Variants in P4HA1 observed in about 807,000 individuals in gnomAD.
P4HA1 encodes the protein prolyl 4-hydroxylase subunit alpha 1.
Under a neutral mutation model 72.8 loss-of-function variants are expected in P4HA1, and 24 were observed. The ratio of observed to expected loss-of-function variants is 0.33; its 90% CI spans 0.24 to 0.46. P4HA1 has a LOEUF of 0.46. Ranked by LOEUF, P4HA1 falls within the 20% of genes least tolerant of loss-of-function variation. The pLI is 1.00. For missense variants in P4HA1, 446 were observed against 640.6 expected (o/e 0.70, Z 3.28); for synonymous variants, 201 against 218.8 (o/e 0.92, Z 0.72).
intron 5 of P4HA1, chr10:73,065,174 T>G (rs188392838): frequency 7.2e-5 from 11 of 152,170 alleles, no homozygotes; most frequent in Admixed American, 6.6e-4. Flanking sequence ...TGAAGCAAAT[T>G]GAATTTTGTA....
At chr10:73,074,661 A>G in intron 2 of P4HA1, 147 bp downstream of exon 2, 1 of 579,740 alleles carries the variant, frequency 1.7e-6, no homozygotes, top group Non-Finnish European at 3.1e-6. Context: ...GAAAATGTCA[A>G]ATTATTAAAA....
At chr10:73,039,508 T>C (rs57670381) in intron 9 of P4HA1, among the ~76,000 whole-genome samples, 7,503 of 151,944 alleles carry the variant, frequency 0.049, 605 homozygotes, top group African/African-American at 0.17. Context: ...GGGGTTTCAC[T>C]GTGTTAGCCA....
At chr10:73,074,563 C>T (rs577557227) in intron 2 of P4HA1, among the ~76,000 whole-genome samples, 2 of 152,116 alleles carry the variant, frequency 1.3e-5, no homozygotes, top group South Asian at 4.1e-4. Context: ...CAGTATATTA[C>T]TTGTATATCT....
chr10:73,093,863 A>T lies in P4HA1; in HGVS notation c.-33+2903T>A, dbSNP rs868589029. On this transcript the variant is annotated intron_variant, in intron 1 of 14. Transcript: ENST00000394890. ...ATCTCAAAAAAAAAAAAAAAAAAAA[A>T]AAAAAAAAAAATATATATATATATA... Among the ~76,000 whole-genome samples, 121 of 69,130 alleles carry T rather than the reference A, an allele frequency of 1.8e-3. 1 individual carries two copies. The highest frequency in any genetic ancestry group is 8.9e-3 in the African/African-American group (109 of 12,208). The allele number at this position is 69,130 out of a possible 152,430, so 45.4% of individuals were successfully genotyped here.
chr10:73,051,301 G>A lies in P4HA1; in HGVS notation c.704-52C>T, dbSNP rs773224361. The A allele has an allele frequency of 2.8e-5, 27 of 951,886 alleles. No homozygotes were observed. In the South Asian group the frequency reaches 4.1e-4, roughly 15 times the overall value. The allele number at this position is 951,886 out of a possible 1,614,324, so 59.0% of individuals were successfully genotyped here. On this transcript the variant is annotated intron_variant, in intron 6 of 14. Transcript: ENST00000394890. ...CATGGGTAAGTTCATGCTTGTTCAA[G>A]CATCAGAATATAGTAATATAAAAAT...
chr10:73,059,934 G>T (rs986943672), intron 5 of P4HA1, among the ~76,000 whole-genome samples: 9 of 151,858 alleles, frequency 5.9e-5, no homozygotes, highest in African/African-American at 2.2e-4. Context: ...AACAGAACAA[G>T]ATATTGTTTC....
At chr10:73,047,149 T>G in intron 7 of P4HA1, 48 bp from the exon 8 acceptor site, 2 of 1,247,676 alleles carry the variant, frequency 1.6e-6, no homozygotes, top group Non-Finnish European at 2.3e-6. Flanking sequence ...GTAATAATAC[T>G]TTTAATATCT....
Position 73,075,039 on chromosome 10 carries a change from T to C in P4HA1, c.-32-124A>G, listed in dbSNP as rs1841664898. Reference sequence around the variant, plus strand: ...AGGTTGCCCATAAAATTGATGTTAGTTATTATCAATTGTTTAATAATAGCT... The same window carrying C: ...AGGTTGCCCATAAAATTGATGTTAGCTATTATCAATTGTTTAATAATAGCT... On this transcript the variant is annotated intron_variant, in intron 1 of 14. Transcript: ENST00000394890. 7.3e-6 allele frequency: 4 copies of C among 545,278 alleles called. No homozygotes were observed. In the South Asian group the frequency reaches 7.8e-5, roughly 11 times the overall value. The allele number at this position is 545,278 out of a possible 1,614,324, so 33.8% of individuals were successfully genotyped here.
rs1234383326 is a variant in P4HA1 at position 73,053,386 on chromosome 10, T to C, written c.668A>G (p.Lys223Arg). ...AAGCTTCTTTGTGAGCAAAAGTGCC[T>C]TATCCAGGTCTCCCTGCTGATATAC... ...YAVYQQGDLD[K>R]ALLLTKKLLE... is the part of the protein sequence containing the mutation. Residue 223 changes from lysine (K) to arginine (R), a missense_variant, in exon 6 of 15, where the codon AAG becomes AGG. Coordinates refer to ENST00000394890, the MANE Select transcript of P4HA1 (RefSeq NM_001017962.3). The C allele has an allele frequency of 6.2e-7, 1 of 1,614,016 alleles. No individual in the cohort carries two copies.
chr10:73,021,688 T>C (rs1840139267), intron 10 of P4HA1, among the ~76,000 whole-genome samples: 1 of 152,180 alleles, frequency 6.6e-6, no homozygotes, highest in Non-Finnish European at 1.5e-5. Flanking sequence ...GGGCGGGGCA[T>C]CGCCTCACCC....
chr10:73,048,644 T>C (rs933675663), intron 7 of P4HA1, among the ~76,000 whole-genome samples: 4 of 152,198 alleles, frequency 2.6e-5, no homozygotes, highest in Non-Finnish European at 5.9e-5. Context: ...CTTTGTTTTA[T>C]ATCTACAGTT....
chr10:73,081,310 A>C lies in P4HA1; in HGVS notation c.-32-6395T>G, dbSNP rs536468967. ...GATCCAAAGATAAACTTACACTGGA[A>C]TAAAACTTGGTGTTGCAACAGTATG... On this transcript the variant is annotated intron_variant, in intron 1 of 14. Coordinates refer to ENST00000394890, the MANE Select transcript of P4HA1 (RefSeq NM_001017962.3). Among the ~76,000 whole-genome samples, 149 of 152,330 alleles carry C rather than the reference A, an allele frequency of 9.8e-4. 1 individual carries two copies. The highest frequency in any genetic ancestry group is 1.3e-3 in the Non-Finnish European group (86 of 68,022).
chr10:73,082,310 A>AT (rs1841842422), intron 1 of P4HA1, among the ~76,000 whole-genome samples: 1 of 152,200 alleles, frequency 6.6e-6, no homozygotes, highest in South Asian at 2.1e-4. Context: ...GAGTCATTGA[A>AT]TTTTAAGTAC....
In P4HA1 at chr10:73,059,424, TAAAAAAAAAAAAAA is replaced by T. The variant is rs920360586; in HGVS notation, c.464-5848_464-5835del. Among the ~76,000 whole-genome samples, 54 of 24,178 alleles carry T rather than the reference TAAAAAAAAAAAAAA, an allele frequency of 2.2e-3. 1 individual carries two copies. The highest frequency in any genetic ancestry group is 2.0e-3 in the Admixed American group (4 of 2,012). The allele number at this position is 24,178 out of a possible 152,430, so 15.9% of individuals were successfully genotyped here. The stretch of plus-strand genomic sequence containing the variant: ...GGGCAAAATAATGAGACAATATATT[TAAAAAAAAAAAAAA>T]AAAAAAAAAAAAAAAAAAAAAAAGG... On this transcript the variant is annotated intron_variant, in intron 5 of 14. Coordinates refer to ENST00000394890, the MANE Select transcript of P4HA1 (RefSeq NM_001017962.3).
chr10:73,013,597 A>AG (rs1680816101), intron 12 of P4HA1, among the ~76,000 whole-genome samples: 1 of 152,226 alleles, frequency 6.6e-6, no homozygotes, highest in Non-Finnish European at 1.5e-5. Context: ...TAAACCACTC[A>AG]GAAAGGAGAG....
intron 10 of P4HA1, among the ~76,000 whole-genome samples, chr10:73,023,127 A>T (rs1840175865): frequency 6.6e-6 from 1 of 152,176 alleles, no homozygotes; most frequent in Non-Finnish European, 1.5e-5. Context: ...CCAACAGTCA[A>T]ATTCAGAAAT....
intron 5 of P4HA1, among the ~76,000 whole-genome samples, chr10:73,061,404 C>T (rs1015662063): frequency 5.9e-5 from 9 of 151,568 alleles, no homozygotes; most frequent in African/African-American, 2.2e-4. Context: ...CTAGGTTTCC[C>T]CAGCTAACCA....
chr10:73,044,020 TG>T, intron 9 of P4HA1: 2 of 1,267,220 alleles, frequency 1.6e-6, no homozygotes, highest in Non-Finnish European at 2.3e-6. Context: ...GCTTTTTGTT[TG>T]TTTTGTTTTG....
At chr10:73,027,141 A>T (rs1441019849) in intron 10 of P4HA1, among the ~76,000 whole-genome samples, 1 of 152,208 alleles carries the variant, frequency 6.6e-6, no homozygotes, top group Admixed American at 6.5e-5. Context: ...ATAAAGACAC[A>T]TATACACGTA....
Sources: allele counts gnomAD v4.1 joint callset (sites outside exome capture counted in the v4.1 genomes callset), GRCh38; gene constraint gnomAD v4.1.1; transcripts MANE v1.5; gene names NCBI Gene and HGNC (gene_info 2026-07-23, HGNC 2026-07-21).